GLG1: variants seen among roughly 807,000 people sequenced by gnomAD.
GLG1 encodes golgi glycoprotein 1, also known as Golgi apparatus protein 1.
GLG1 carries 38 observed loss-of-function variants against 160.5 expected under a neutral mutation model. The observed-to-expected ratio is 0.24, with a 90% CI of 0.18 to 0.31. The LOEUF is 0.31. Ranked by LOEUF, GLG1 falls within the 10% of genes least tolerant of loss-of-function variation. The probability of loss-of-function intolerance (pLI) is 1.00; values close to 1 mark genes in which losing one functional copy is unlikely to be tolerated. For synonymous variants in GLG1, 644 were observed against 543.4 expected, an observed-to-expected ratio of 1.19 and a Z score of -2.57; for missense variants, 1,373 against 1,505.2, an observed-to-expected ratio of 0.91 and a Z score of 1.45.
chr16:74,573,579 G>A (rs959099003), intron 1 of GLG1, among the ~76,000 whole-genome samples: 14 of 103,062 alleles, frequency 1.4e-4, no homozygotes, highest in Non-Finnish European at 2.3e-4. Flanking sequence ...TATTTATCTT[G>A]CCTTTTTTTT....
intron 4 of GLG1, among the ~76,000 whole-genome samples, chr16:74,499,981 C>T (rs1597273121): frequency 1.3e-5 from 2 of 151,990 alleles, no homozygotes; most frequent in African/African-American, 4.8e-5. Flanking sequence ...CCAGCCTGGG[C>T]GACAGAGTGA....
At chr16:74,545,921 C>T (rs2018032552) in intron 1 of GLG1, among the ~76,000 whole-genome samples, 1 of 152,146 alleles carries the variant, frequency 6.6e-6, no homozygotes, top group Admixed American at 6.5e-5. Flanking sequence ...TTTAATAAAG[C>T]AAGATCAATG....
chr16:74,488,359 C>T (rs371872904), intron 8 of GLG1, among the ~76,000 whole-genome samples: 16 of 151,976 alleles, frequency 1.1e-4, no homozygotes, highest in African/African-American at 2.4e-4. Context: ...CTGGGCAACA[C>T]GGCGAGACCC....
intron 1 of GLG1, among the ~76,000 whole-genome samples, chr16:74,558,877 ATCT>A (rs1298944717): frequency 6.6e-6 from 1 of 152,130 alleles, no homozygotes; most frequent in Non-Finnish European, 1.5e-5. Flanking sequence ...CAGACTGTAC[ATCT>A]TCTTTTTACT....
chr16:74,478,907 A>AG lies in GLG1; in HGVS notation c.1827+1333_1827+1334insC, dbSNP rs1567469503. 3.5e-4 allele frequency among the ~76,000 whole-genome samples: 39 copies of AG among 112,428 alleles called. 1 individual carries two copies. The highest frequency in any genetic ancestry group is 1.2e-3 in the African/African-American group (37 of 32,162). 73.8% of individuals were successfully genotyped at this position (112,428 alleles called of 152,430 possible). A position where few individuals can be genotyped will look rare whatever the true frequency, so the allele number is the denominator to read the frequency against. On this transcript the variant is annotated intron_variant, in intron 11 of 25. Coordinates refer to ENST00000422840, the MANE Select transcript of GLG1 (RefSeq NM_001145667.2). ...GAAACTCCGTCTCAAAAAAAAAAAAAAGGGGGGGGTTATTTTGGCCAGGCG... is the reference window on the plus strand; with the variant it reads ...GAAACTCCGTCTCAAAAAAAAAAAAAGAGGGGGGGGTTATTTTGGCCAGGCG...
At chr16:74,503,130 C>T (rs539031182) in intron 4 of GLG1, among the ~76,000 whole-genome samples, 12 of 151,908 alleles carry the variant, frequency 7.9e-5, no homozygotes, top group African/African-American at 2.2e-4. Context: ...TCACTTGAAC[C>T]CAGGAGGCTG....
rs147111446 is a variant in GLG1, at chr16:74,458,955, T to G, written c.3144+727A>C. ...TTTCCATAAATAAAAGTTAGTATGCTCCAGACAAGACTCTAGTCCCTATAA... is the reference window on the plus strand; with the variant it reads ...TTTCCATAAATAAAAGTTAGTATGCGCCAGACAAGACTCTAGTCCCTATAA... On this transcript the variant is annotated intron_variant, in intron 23 of 25. Transcript: ENST00000422840. 4.7e-4 allele frequency among the ~76,000 whole-genome samples: 72 copies of G among 152,142 alleles called. No individual in the cohort carries two copies. In the East Asian group the frequency reaches 0.013, roughly 27 times the overall value.
At chr16:74,513,960 C>T (rs1301218824) in intron 2 of GLG1, among the ~76,000 whole-genome samples, 4 of 152,062 alleles carry the variant, frequency 2.6e-5, no homozygotes, top group Admixed American at 2.6e-4. Context: ...CCTGATGGAG[C>T]TGAAAACCAC....
intron 2 of GLG1, among the ~76,000 whole-genome samples, chr16:74,522,732 G>A (rs966801037): frequency 1.3e-5 from 2 of 152,158 alleles, no homozygotes; most frequent in African/African-American, 4.8e-5. Flanking sequence ...CACCCAGCCT[G>A]GAGTGCAGTG....
intron 3 of GLG1, among the ~76,000 whole-genome samples, chr16:74,506,607 C>T (rs55675596): frequency 7.9e-6 from 1 of 126,770 alleles, no homozygotes; most frequent in South Asian, 2.6e-4. Context: ...AAAAAAAACT[C>T]AAGAGAAACC....
rs1256853546 is a variant in GLG1, at chr16:74,452,486, C to T, written c.*681G>A. On this transcript the variant is annotated 3_prime_UTR_variant, in exon 26 of 26. Coordinates refer to ENST00000422840, the MANE Select transcript of GLG1 (RefSeq NM_001145667.2). Reference sequence around the variant, plus strand: ...TGAAGCGAGGAGACCACAGAAATACCCATGGCTGTGGGGCTGTGACCAGCA... The same window carrying T: ...TGAAGCGAGGAGACCACAGAAATACTCATGGCTGTGGGGCTGTGACCAGCA... 7.6e-6 allele frequency: 8 copies of T among 1,052,168 alleles called. No individual in the cohort carries two copies. Among genetic ancestry groups the T allele is most frequent in the Non-Finnish European group, 9.2e-6 (8 of 868,638 alleles). 65.2% of individuals were successfully genotyped at this position (1,052,168 alleles called of 1,614,324 possible). A position where few individuals can be genotyped will look rare whatever the true frequency, so the allele number is the denominator to read the frequency against.
intron 2 of GLG1, among the ~76,000 whole-genome samples, chr16:74,524,293 G>A (rs1239001635): frequency 6.6e-6 from 1 of 152,002 alleles, no homozygotes; most frequent in Non-Finnish European, 1.5e-5. Context: ...TTGCCTTACT[G>A]CACTGGCTAG....
intron 2 of GLG1, among the ~76,000 whole-genome samples, chr16:74,521,711 T>C (rs1767343066): frequency 1.3e-5 from 2 of 152,122 alleles, no homozygotes; most frequent in African/African-American, 4.8e-5. Context: ...AGGTCTGGGC[T>C]GAAAAAAGAC....
chr16:74,582,368 G>A (rs1007616762), intron 1 of GLG1, among the ~76,000 whole-genome samples: 3 of 152,100 alleles, frequency 2.0e-5, no homozygotes, highest in African/African-American at 7.2e-5. Flanking sequence ...GTTTCATCAC[G>A]TTGGTCAGGC....
rs1555514663 is a variant in GLG1, at chr16:74,542,760, A to AG, written c.439-10608dup. Among the ~76,000 whole-genome samples the AG allele has an allele frequency of 2.2e-3, 116 of 51,558 alleles. 2 individuals carry two copies. The highest frequency in any genetic ancestry group is 0.01 in the South Asian group (9 of 884). The allele number at this position is 51,558 out of a possible 152,430, so 33.8% of individuals were successfully genotyped here. ...GAGGAAGGAAGGAAGGAAGGAAGGA[A>AG]GGAAGGAAGGAAGGAAGGAAGGAAG... On this transcript the variant is annotated intron_variant, in intron 1 of 25. Transcript: ENST00000422840.
intron 1 of GLG1, among the ~76,000 whole-genome samples, chr16:74,598,814 G>A (rs533738838): frequency 2.0e-5 from 3 of 151,904 alleles, no homozygotes; most frequent in South Asian, 4.1e-4. Context: ...AACCCGAGAG[G>A]TGGAGGTTGC....
At chr16:74,557,683 T>G (rs991849852) in intron 1 of GLG1, among the ~76,000 whole-genome samples, 1 of 151,684 alleles carries the variant, frequency 6.6e-6, no homozygotes, top group Non-Finnish European at 1.5e-5. Flanking sequence ...CCCAGAAGCA[T>G]CTGAAAGAAG....
intron 2 of GLG1, among the ~76,000 whole-genome samples, chr16:74,512,109 C>A (rs2016826824): frequency 6.6e-6 from 1 of 151,834 alleles, no homozygotes; most frequent in African/African-American, 2.4e-5. Context: ...ACTTTATCCT[C>A]TCTACCCTCA....
intron 1 of GLG1, among the ~76,000 whole-genome samples, chr16:74,606,132 T>C (rs943995468): frequency 1.3e-5 from 2 of 152,164 alleles, no homozygotes; most frequent in Non-Finnish European, 2.9e-5. Context: ...TGGGGTTCAA[T>C]ACAACTGACC....
Sources: gnomAD v4.1 joint callset for allele counts (sites outside exome capture counted in the v4.1 genomes callset) on GRCh38, gnomAD v4.1.1 for gene constraint, MANE v1.5 for transcripts, NCBI Gene and HGNC (gene_info 2026-07-23, HGNC 2026-07-21) for gene names.